Variants in CDH13 observed in about 807,000 individuals in gnomAD.
CDH13 encodes cadherin-13.
In CDH13, 24 loss-of-function variants were observed where a neutral mutation model predicts 63.8. The ratio of observed to expected loss-of-function variants is 0.38; its 90% confidence interval spans 0.27 to 0.53. CDH13 has a LOEUF of 0.53. CDH13 is among the 20% of genes least tolerant of loss of function. CDH13 has a pLI of 0.85. For missense variants in CDH13, 1,049 were observed against 903.1 expected (o/e 1.16, Z -2.07); for synonymous variants, 503 against 355.3 (o/e 1.42, Z -4.67).
At chr16:82,913,866 A>G (rs911951280) in intron 2 of CDH13, among the ~76,000 whole-genome samples, 1 of 152,122 alleles carries the variant, frequency 6.6e-6, no homozygotes, top group East Asian at 1.9e-4. Context: ...AACCACTCGG[A>G]GCACCTGGAG....
At chr16:82,955,396 T>C (rs976979175) in intron 2 of CDH13, among the ~76,000 whole-genome samples, 1 of 152,236 alleles carries the variant, frequency 6.6e-6, no homozygotes, top group East Asian at 1.9e-4. Context: ...TTAATGCCTG[T>C]ACTTGCTTTT....
intron 1 of CDH13, among the ~76,000 whole-genome samples, chr16:82,830,408 A>T (rs1039915986): frequency 6.6e-6 from 1 of 152,204 alleles, no homozygotes; most frequent in African/African-American, 2.4e-5. Flanking sequence ...CATGGTCCCC[A>T]TGGGCAGTGA....
At chr16:83,588,646 C>A (rs1392255095) in intron 7 of CDH13, among the ~76,000 whole-genome samples, 2 of 152,148 alleles carry the variant, frequency 1.3e-5, no homozygotes, top group Non-Finnish European at 2.9e-5. Flanking sequence ...ACCACAGGCA[C>A]CAAAGGGAAG....
In CDH13 at chr16:82,955,498, C is replaced by T. The variant is rs1238298865; in HGVS notation, c.158-76512C>T. Among the ~76,000 whole-genome samples the T allele has an allele frequency of 5.3e-5, 8 of 152,216 alleles. No individual in the cohort carries two copies. The East Asian group carries it at 1.5e-3, about 29-fold the overall frequency. ...GTTAACCCTACTGGGTGTAGTGATG[C>T]ATGCTTTCATCAGAAACATTTTTGG... On this transcript the variant is annotated intron_variant, in intron 2 of 13. Transcript: ENST00000567109.
At chr16:82,673,112 G>C (rs899665412) in intron 1 of CDH13, among the ~76,000 whole-genome samples, 1 of 144,980 alleles carries the variant, frequency 6.9e-6, no homozygotes, top group Non-Finnish European at 1.5e-5. Flanking sequence ...AGAATGCTGG[G>C]ATTATAGGCA....
At chr16:82,967,293 C>T (rs770991807) in intron 2 of CDH13, among the ~76,000 whole-genome samples, 1 of 152,074 alleles carries the variant, frequency 6.6e-6, no homozygotes, top group Admixed American at 6.6e-5. Flanking sequence ...TTTCCTCTTA[C>T]ATTTTCTCAT....
intron 2 of CDH13, among the ~76,000 whole-genome samples, chr16:82,972,823 A>G (rs1908960111): frequency 6.6e-6 from 1 of 152,182 alleles, no homozygotes; most frequent in Non-Finnish European, 1.5e-5. Flanking sequence ...TGAAATCTGT[A>G]CAAAATATCT....
chr16:82,753,533 A>G (rs999397058), intron 1 of CDH13, among the ~76,000 whole-genome samples: 1 of 152,202 alleles, frequency 6.6e-6, no homozygotes. Context: ...TGCCCCATGC[A>G]TGGCCCACCA....
chr16:83,114,166 A>G (rs2035192279), intron 3 of CDH13, among the ~76,000 whole-genome samples: 1 of 152,204 alleles, frequency 6.6e-6, no homozygotes. Flanking sequence ...ATGTAATGTA[A>G]TGATTCTTAG....
chr16:83,224,104 C>G (rs559868101), intron 5 of CDH13, among the ~76,000 whole-genome samples: 1 of 152,164 alleles, frequency 6.6e-6, no homozygotes, highest in African/African-American at 2.4e-5. Context: ...GTTTTCCATT[C>G]CTGAGTTACT....
At position 83,162,053 on chromosome 16, in the gene CDH13, G is replaced by A. The variant is rs189364640; in HGVS notation, c.483+36552G>A. On this transcript the variant is annotated intron_variant, in intron 4 of 13. Transcript: ENST00000567109. ...GCTAGTCCCTTTGTTTGGGGGTTAG[G>A]CCCATTTTATAAAGAATTAAAGGAA... Among the ~76,000 whole-genome samples the A allele has an allele frequency of 3.9e-5, 6 of 152,276 alleles. No homozygotes were observed. The East Asian group carries it at 1.2e-3, about 29-fold the overall frequency.
chr16:82,801,046 G>C (rs747610354), intron 1 of CDH13, among the ~76,000 whole-genome samples: 3 of 152,176 alleles, frequency 2.0e-5, no homozygotes, highest in Admixed American at 6.5e-5. Flanking sequence ...ATTAGGACCA[G>C]TGTTTACAAA....
chr16:83,397,626 G>C (rs1055129795), intron 6 of CDH13: 1 of 152,236 alleles, frequency 6.6e-6, no homozygotes, highest in Non-Finnish European at 1.5e-5. Flanking sequence ...AATTGAGTTA[G>C]AGATACATTT....
intron 11 of CDH13, among the ~76,000 whole-genome samples, chr16:83,749,548 C>T (rs529046423): frequency 1.3e-5 from 2 of 152,324 alleles, no homozygotes; most frequent in East Asian, 1.9e-4. Context: ...GGAAAAGTCA[C>T]ATCTTCAAAG....
At chr16:83,582,168 A>G (rs1905673914) in intron 7 of CDH13, among the ~76,000 whole-genome samples, 1 of 152,160 alleles carries the variant, frequency 6.6e-6, no homozygotes, top group Non-Finnish European at 1.5e-5. Flanking sequence ...TGGCTCTGTG[A>G]GGGCTGCTCC....
At chr16:83,139,931 G>A (rs1020718059) in intron 4 of CDH13, among the ~76,000 whole-genome samples, 1 of 152,114 alleles carries the variant, frequency 6.6e-6, no homozygotes, top group African/African-American at 2.4e-5. Context: ...GAACCCAGGA[G>A]GCAGAAGTTG....
At chr16:83,720,147 C>T (rs1446359184) in intron 10 of CDH13, among the ~76,000 whole-genome samples, 1 of 152,072 alleles carries the variant, frequency 6.6e-6, no homozygotes, top group Non-Finnish European at 1.5e-5. Context: ...CATCTGAGTG[C>T]CAGCTCTGCC....
intron 5 of CDH13, among the ~76,000 whole-genome samples, chr16:83,324,393 A>G (rs1004458526): frequency 3.3e-5 from 5 of 152,310 alleles, no homozygotes; most frequent in Admixed American, 2.6e-4. Context: ...CACTCTTGGA[A>G]GTAGCATCCA....
At position 83,493,247 on chromosome 16, in the gene CDH13, A is replaced by C. The variant is rs570787210; in HGVS notation, c.960+6592A>C. ...ACAATGAGACTGAAGAAGCAGAAAG[A>C]AGTTGGAGTTTCTCCTACAGGACGT... On this transcript the variant is annotated intron_variant, in intron 7 of 13. Transcript: ENST00000567109. 1.8e-4 allele frequency among the ~76,000 whole-genome samples: 27 copies of C among 152,350 alleles called. No homozygotes were observed. The South Asian group carries it at 5.6e-3, about 32-fold the overall frequency.
Sources: gnomAD v4.1 joint callset for allele counts (sites outside exome capture counted in the v4.1 genomes callset) on GRCh38, gnomAD v4.1.1 for gene constraint, MANE v1.5 for transcripts, NCBI Gene and HGNC (gene_info 2026-07-23, HGNC 2026-07-21) for gene names.